RIMS2: variants seen among roughly 807,000 people sequenced by gnomAD.
RIMS2 encodes regulating synaptic membrane exocytosis protein 2.
RIMS2 carries 59 observed loss-of-function variants against 174.4 expected under a neutral mutation model. The observed-to-expected ratio is 0.34, with a 90% confidence interval of 0.27 to 0.42. RIMS2 has a LOEUF of 0.42. Among genes scored for constraint, RIMS2 ranks in the 10% least tolerant of loss-of-function variants. The probability of loss-of-function intolerance (pLI) is 1.00; values close to 1 mark genes in which losing one functional copy is unlikely to be tolerated. For synonymous variants in RIMS2, 606 were observed against 572.5 expected, an observed-to-expected ratio of 1.06 and a Z score of -0.84; for missense variants, 1,620 against 1,666.3, an observed-to-expected ratio of 0.97 and a Z score of 0.48.
chr8:103,930,682 G>T (rs186419637), intron 11 of RIMS2, among the ~76,000 whole-genome samples: 1 of 151,902 alleles, frequency 6.6e-6, no homozygotes, highest in African/African-American at 2.4e-5. Flanking sequence ...GAGACTTAAT[G>T]TCTGAATAAG....
At chr8:103,966,817 TTTTA>T (rs1453696885) in intron 15 of RIMS2, among the ~76,000 whole-genome samples, 2 of 152,068 alleles carry the variant, frequency 1.3e-5, no homozygotes, top group African/African-American at 4.8e-5. Flanking sequence ...TTGTTTTCAT[TTTTA>T]TTTATTTAAA....
intron 3 of RIMS2, among the ~76,000 whole-genome samples, chr8:103,831,855 C>T (rs979595729): frequency 6.6e-6 from 1 of 152,154 alleles, no homozygotes; most frequent in African/African-American, 2.4e-5. Flanking sequence ...TATCAGTTCA[C>T]ATAACTGAAA....
At chr8:104,113,753 C>T (rs765586365) in intron 19 of RIMS2, among the ~76,000 whole-genome samples, 16 of 151,346 alleles carry the variant, frequency 1.1e-4, no homozygotes, top group Non-Finnish European at 1.9e-4. Context: ...TTCATTTTTT[C>T]ATAGAGCTTT....
intron 1 of RIMS2, among the ~76,000 whole-genome samples, chr8:103,613,363 G>A (rs973873190): frequency 6.9e-6 from 1 of 145,804 alleles, no homozygotes. Context: ...ATTCTGCCAG[G>A]CCATCACTGA....
At chr8:104,187,378 G>A (rs1237681930) in intron 19 of RIMS2, among the ~76,000 whole-genome samples, 2 of 151,812 alleles carry the variant, frequency 1.3e-5, no homozygotes, top group South Asian at 2.1e-4. Flanking sequence ...TAAATCTCAA[G>A]CAACATAGTG....
At chr8:104,168,130 T>C (rs149360768) in intron 19 of RIMS2, among the ~76,000 whole-genome samples, 1 of 152,210 alleles carries the variant, frequency 6.6e-6, no homozygotes, top group African/African-American at 2.4e-5. Flanking sequence ...TTTTTCTTAG[T>C]ATTGCTTTGG....
In RIMS2 at chr8:104,147,702, A is replaced by G. The variant is rs549753224; in HGVS notation, c.3335-97214A>G. On this transcript the variant is annotated intron_variant, in intron 19 of 23. Coordinates refer to ENST00000504942, the Ensembl canonical transcript of RIMS2. ...TGTAAATAAGTATTTTCATTCCTGC[A>G]AAACAGACTGCTTCCCTCATAGTCC... is the stretch of plus-strand genomic sequence containing the variant. 3.7e-4 allele frequency among the ~76,000 whole-genome samples: 57 copies of G among 152,346 alleles called. No individual in the cohort carries two copies. The South Asian group carries it at 4.8e-3, about 13-fold the overall frequency.
At chr8:103,633,716 A>T (rs1337767157) in intron 1 of RIMS2, among the ~76,000 whole-genome samples, 1 of 152,020 alleles carries the variant, frequency 6.6e-6, no homozygotes, top group African/African-American at 2.4e-5. Flanking sequence ...GGAGCTCATT[A>T]TTGGTCCATT....
intron 3 of RIMS2, among the ~76,000 whole-genome samples, chr8:103,807,680 A>G (rs1173947537): frequency 6.6e-6 from 1 of 152,172 alleles, no homozygotes; most frequent in Non-Finnish European, 1.5e-5. Flanking sequence ...TCTAAAATAG[A>G]CTAAAGAGTA....
chr8:103,524,770 C>T (rs983582810), intron 1 of RIMS2, among the ~76,000 whole-genome samples: 5 of 152,144 alleles, frequency 3.3e-5, no homozygotes, highest in Non-Finnish European at 5.9e-5. Flanking sequence ...CCCATTGCTA[C>T]CCCTGCCAGA....
chr8:103,610,259 G>A (rs2095321480), intron 1 of RIMS2, among the ~76,000 whole-genome samples: 1 of 152,124 alleles, frequency 6.6e-6, no homozygotes, highest in Non-Finnish European at 1.5e-5. Context: ...TATAGATATA[G>A]AACTATGTCA....
At chr8:104,057,695 T>C (rs977800818) in intron 19 of RIMS2, among the ~76,000 whole-genome samples, 10 of 149,828 alleles carry the variant, frequency 6.7e-5, no homozygotes, top group Admixed American at 1.3e-4. Flanking sequence ...ATTAGGTATA[T>C]CTCCTAATGC....
At chr8:103,860,937 A>C (rs1379798718) in intron 3 of RIMS2, among the ~76,000 whole-genome samples, 1 of 152,096 alleles carries the variant, frequency 6.6e-6, no homozygotes, top group African/African-American at 2.4e-5. Context: ...TACAAAGGTA[A>C]GTAGACATAG....
chr8:103,670,291 T>C (rs549819902), intron 1 of RIMS2, among the ~76,000 whole-genome samples: 12 of 151,810 alleles, frequency 7.9e-5, no homozygotes, highest in African/African-American at 2.9e-4. Context: ...ACAAAACCAT[T>C]TTTTTCCTCC....
chr8:103,930,143 ACT>A (rs1446108411), intron 11 of RIMS2, among the ~76,000 whole-genome samples: 1 of 151,938 alleles, frequency 6.6e-6, no homozygotes, highest in Non-Finnish European at 1.5e-5. Context: ...GATATTTCTT[ACT>A]CTTATTCCTA....
At position 103,860,530 on chromosome 8, in the gene RIMS2, A is replaced by G. The variant is rs139000647; in HGVS notation, c.699-24768A>G. On this transcript the variant is annotated intron_variant, in intron 3 of 23. Transcript: ENST00000504942. ...AGGGTGCATGCAAGTTGTTTGTGAG[A>G]ATTAAATGAGATAGTGCAGTAAATC... Among the ~76,000 whole-genome samples the G allele has an allele frequency of 1.3e-3, 204 of 152,212 alleles. 1 individual carries two copies. The highest frequency in any genetic ancestry group is 4.6e-3 in the African/African-American group (191 of 41,532).
chr8:103,523,985 CA>C (rs896508899), intron 1 of RIMS2, among the ~76,000 whole-genome samples: 1 of 151,800 alleles, frequency 6.6e-6, no homozygotes, highest in Admixed American at 6.6e-5. Context: ...TTTTGCTACC[CA>C]AAAAATGAAT....
At chr8:104,167,266 T>G (rs1273190464) in intron 19 of RIMS2, among the ~76,000 whole-genome samples, 1 of 152,150 alleles carries the variant, frequency 6.6e-6, no homozygotes, top group Non-Finnish European at 1.5e-5. Flanking sequence ...TGTTTCTTCC[T>G]GATTTAAACT....
intron 13 of RIMS2, among the ~76,000 whole-genome samples, chr8:103,939,148 T>C (rs552940767): frequency 1.3e-5 from 2 of 152,238 alleles, no homozygotes; most frequent in Non-Finnish European, 2.9e-5. Flanking sequence ...ACCGGGGCTC[T>C]GACCCCACAT....
Sources: gnomAD v4.1 joint callset for allele counts (sites outside exome capture counted in the v4.1 genomes callset) on GRCh38, gnomAD v4.1.1 for gene constraint, MANE v1.5 for transcripts, NCBI Gene and HGNC (gene_info 2026-07-23, HGNC 2026-07-21) for gene names.